Variants in DMD observed in about 807,000 individuals in gnomAD.
DMD encodes dystrophin, also known as mutant dystrophin.
Under a neutral mutation model 330.1 loss-of-function variants are expected in DMD, and 63 were observed. That is an observed-to-expected ratio of 0.19 (90% CI 0.16 to 0.24). The LOEUF (loss-of-function observed/expected upper bound fraction) is 0.24. DMD is among the 10% of genes least tolerant of loss of function. DMD has a pLI of 1.00. For synonymous variants in DMD, 1,223 were observed against 959.8 expected, an observed-to-expected ratio of 1.27 and a Z score of -5.07; for missense variants, 3,344 against 2,684.1, an observed-to-expected ratio of 1.25 and a Z score of -5.43.
At chrX:32,508,903 C>A (rs1286413387) in intron 18 of DMD, among the ~76,000 whole-genome samples, 2 of 110,487 alleles carry the variant, frequency 1.8e-5, no homozygotes, top group African/African-American at 6.6e-5. Context: ...CTCCGCCTCC[C>A]GGGTTCACGC....
intron 63 of DMD, among the ~76,000 whole-genome samples, chrX:31,243,331 T>C (rs1256269439): frequency 8.9e-6 from 1 of 111,776 alleles, no homozygotes; most frequent in African/African-American, 3.3e-5. Context: ...TAAAATTTAA[T>C]TTAATGGGTA....
chrX:31,148,374 C>T (rs1160809697), intron 74 of DMD, among the ~76,000 whole-genome samples: 2 of 112,147 alleles, frequency 1.8e-5, no homozygotes, highest in Non-Finnish European at 3.8e-5. Context: ...TTCTCCAGGT[C>T]GATACATAAT....
chrX:32,899,945 G>T (rs2086091623), intron 2 of DMD, among the ~76,000 whole-genome samples: 1 of 110,929 alleles, frequency 9.0e-6, no homozygotes, highest in Non-Finnish European at 1.9e-5. Context: ...TCTTCCTTAT[G>T]CTATATATTT....
At chrX:32,494,792 T>C (rs1460855507) in intron 19 of DMD, among the ~76,000 whole-genome samples, 1 of 111,496 alleles carries the variant, frequency 9.0e-6, no homozygotes, top group Non-Finnish European at 1.9e-5. Flanking sequence ...AATACTATTT[T>C]AAAATTAGTC....
intron 60 of DMD, among the ~76,000 whole-genome samples, chrX:31,423,804 C>T (rs1316463732): frequency 9.0e-6 from 1 of 111,504 alleles, no homozygotes; most frequent in Non-Finnish European, 1.9e-5. Context: ...GCAAATTAGG[C>T]TCCCTGGATA....
At chrX:32,658,955 T>C (rs2060772381) in intron 9 of DMD, among the ~76,000 whole-genome samples, 1 of 111,924 alleles carries the variant, frequency 8.9e-6, no homozygotes, top group Non-Finnish European at 1.9e-5. Context: ...GATATGATAC[T>C]AATTTAGAGG....
chrX:32,048,342 C>T (rs2096078263), intron 44 of DMD, among the ~76,000 whole-genome samples: 1 of 104,582 alleles, frequency 9.6e-6, no homozygotes, highest in Admixed American at 1.1e-4. Context: ...CCCAAGCATG[C>T]TTTTAAATTT....
At chrX:32,326,510 T>C (rs1370506962) in intron 41 of DMD, among the ~76,000 whole-genome samples, 1 of 112,976 alleles carries the variant, frequency 8.9e-6, no homozygotes, top group African/African-American at 3.2e-5. Flanking sequence ...CAGATGTAAA[T>C]ATAGAGATAT....
chrX:31,410,650 C>T (rs1023991313), intron 60 of DMD, among the ~76,000 whole-genome samples: 5 of 109,786 alleles, frequency 4.6e-5, no homozygotes, highest in East Asian at 2.8e-4. Flanking sequence ...GACAGTATGG[C>T]CTTTTTCTGA....
intron 49 of DMD, among the ~76,000 whole-genome samples, chrX:31,830,369 C>T: frequency 8.9e-6 from 1 of 112,510 alleles, no homozygotes; most frequent in East Asian, 2.8e-4. Flanking sequence ...CCGAGGCAGC[C>T]TGATCACCTG....
chrX:32,573,947 G>A lies in DMD; in HGVS notation c.1603-101C>T, dbSNP rs1470713531. 6.1e-5 allele frequency: 39 copies of A among 641,914 alleles called. No individual in the cohort carries two copies. The East Asian group carries it at 9.1e-4, about 15-fold the overall frequency. 52.9% of individuals were successfully genotyped at this position (641,914 alleles called of 1,213,427 possible). ...TTGCCAAAGTATCTCAGTCTCCTATGTACGCTAGAAGTTGGAAGGGACACT... is the reference window on the plus strand; with the variant it reads ...TTGCCAAAGTATCTCAGTCTCCTATATACGCTAGAAGTTGGAAGGGACACT... On this transcript the variant is annotated intron_variant, in intron 13 of 78. Coordinates refer to ENST00000357033, the MANE Select transcript of DMD (RefSeq NM_004006.3).
chrX:32,942,796 AT>A (rs764605644), intron 2 of DMD, among the ~76,000 whole-genome samples: 3 of 111,894 alleles, frequency 2.7e-5, no homozygotes, highest in Admixed American at 1.9e-4. Flanking sequence ...CACAGAAGGA[AT>A]GCAACTCAAC....
intron 7 of DMD, among the ~76,000 whole-genome samples, chrX:32,782,004 AAATT>A (rs1017203458): frequency 6.3e-5 from 7 of 111,597 alleles, no homozygotes; most frequent in Non-Finnish European, 1.3e-4. Flanking sequence ...GGTAAGAAAA[AAATT>A]ATTATTGTTG....
At chrX:32,582,693 A>G (rs977421645) in intron 13 of DMD, among the ~76,000 whole-genome samples, 1 of 111,433 alleles carries the variant, frequency 9.0e-6, no homozygotes, top group Admixed American at 9.5e-5. Context: ...AAGAAAATAA[A>G]ATGGCTTTTA....
intron 1 of DMD, among the ~76,000 whole-genome samples, chrX:33,140,182 A>G (rs1258298245): frequency 8.9e-6 from 1 of 112,474 alleles, no homozygotes; most frequent in Non-Finnish European, 1.9e-5. Flanking sequence ...TTTAATTTCT[A>G]TGAATTTCAA....
At chrX:32,520,795 A>C (rs1229969035) in intron 17 of DMD, among the ~76,000 whole-genome samples, 1 of 111,057 alleles carries the variant, frequency 9.0e-6, no homozygotes, top group Non-Finnish European at 1.9e-5. Flanking sequence ...GGGCAACCCA[A>C]ACTAAGGCAA....
chrX:32,063,187 AACACACACACAC>A (rs113943502), intron 44 of DMD, among the ~76,000 whole-genome samples: 1 of 100,747 alleles, frequency 9.9e-6, no homozygotes, highest in African/African-American at 3.6e-5. Flanking sequence ...AAGTATGTCT[AACACACACACAC>A]ACACACACAC....
chrX:31,844,527 A>G (rs758834788), intron 48 of DMD, among the ~76,000 whole-genome samples: 9 of 111,661 alleles, frequency 8.1e-5, no homozygotes, highest in Non-Finnish European at 1.5e-4. Flanking sequence ...TTAGATTCAT[A>G]TGAATTTTAG....
At chrX:32,808,959 T>C (rs925807522) in intron 7 of DMD, among the ~76,000 whole-genome samples, 21 of 111,928 alleles carry the variant, frequency 1.9e-4, no homozygotes, top group Admixed American at 1.7e-3. Flanking sequence ...AAAATATAAA[T>C]ACACTTCTGC....
Sources: gnomAD v4.1 joint callset for allele counts (sites outside exome capture counted in the v4.1 genomes callset) on GRCh38, gnomAD v4.1.1 for gene constraint, MANE v1.5 for transcripts, NCBI Gene and HGNC (gene_info 2026-07-23, HGNC 2026-07-21) for gene names.